The following UBE2F variants were observed in gnomAD, a reference collection of about 807,000 sequenced individuals.
The protein encoded by UBE2F is NEDD8-conjugating enzyme UBE2F.
Under a neutral mutation model 29.6 loss-of-function variants are expected in UBE2F, and 5 were observed. The observed-to-expected ratio is 0.17, with a 90% CI of 0.09 to 0.36. The LOEUF (loss-of-function observed/expected upper bound fraction) is 0.36. Among genes scored for constraint, UBE2F ranks in the 10% least tolerant of loss-of-function variants. UBE2F has a pLI of 1.00. For missense variants in UBE2F, 141 were observed against 228.5 expected, an observed-to-expected ratio of 0.62 and a Z score of 2.47; for synonymous variants, 66 against 81.8, an observed-to-expected ratio of 0.81 and a Z score of 1.04.
At chr2:238,038,338 C>T (rs1197965111) in intron 9 of UBE2F, among the ~76,000 whole-genome samples, 6 of 152,200 alleles carry the variant, frequency 3.9e-5, no homozygotes, top group African/African-American at 1.4e-4. Flanking sequence ...CTCACAGCTC[C>T]CCATGGGGGC....
chr2:238,025,162 C>T, intron 5 of UBE2F, 180 bp from the exon 6 acceptor site: 1 of 612,866 alleles, frequency 1.6e-6, no homozygotes. Flanking sequence ...CGCATCAACA[C>T]ATGCCTCATG....
intron 5 of UBE2F, among the ~76,000 whole-genome samples, chr2:238,017,356 T>G (rs1303703674): frequency 6.6e-6 from 1 of 152,122 alleles, no homozygotes; most frequent in Non-Finnish European, 1.5e-5. Flanking sequence ...GGGAGGGTAT[T>G]CTAGGTGACA....
intron 2 of UBE2F, among the ~76,000 whole-genome samples, chr2:237,975,761 C>T (rs796438474): frequency 6.6e-6 from 1 of 152,132 alleles, no homozygotes; most frequent in South Asian, 2.1e-4. Flanking sequence ...GCCTCAGTCT[C>T]CTGAGTAGCT....
chr2:238,039,396 G>A (rs1413050506), intron 9 of UBE2F, among the ~76,000 whole-genome samples: 1 of 152,236 alleles, frequency 6.6e-6, no homozygotes, highest in Non-Finnish European at 1.5e-5. Context: ...ATGTGCTGTG[G>A]AGCTCAGGGC....
chr2:238,012,425 G>C (rs77014563), intron 4 of UBE2F, among the ~76,000 whole-genome samples: 318 of 152,304 alleles, frequency 2.1e-3, no homozygotes, highest in African/African-American at 6.4e-3. Context: ...CCTCACTTCA[G>C]AGCAGCTTTG....
intron 5 of UBE2F, among the ~76,000 whole-genome samples, chr2:238,020,514 T>C (rs2064267314): frequency 6.6e-6 from 1 of 152,176 alleles, no homozygotes; most frequent in African/African-American, 2.4e-5. Context: ...TTTCTGTACT[T>C]CATAAGGACT....
intron 8 of UBE2F, chr2:238,035,547 A>G (rs1299855797): frequency 5.0e-6 from 1 of 201,422 alleles, no homozygotes; most frequent in African/African-American, 2.3e-5. Flanking sequence ...GGAAATGCTT[A>G]ATAATAGTGG....
chr2:238,038,550 A>G (rs1162115061), intron 9 of UBE2F, among the ~76,000 whole-genome samples: 17 of 152,262 alleles, frequency 1.1e-4, no homozygotes, highest in Non-Finnish European at 1.5e-5. Flanking sequence ...TCAGATAGAA[A>G]GTGATGGCAA....
chr2:238,024,078 C>G (rs903868792), intron 5 of UBE2F, among the ~76,000 whole-genome samples: 12 of 152,130 alleles, frequency 7.9e-5, no homozygotes, highest in African/African-American at 2.9e-4. Context: ...ACATATGTAG[C>G]ACAGCTTTCT....
intron 5 of UBE2F, among the ~76,000 whole-genome samples, chr2:238,021,201 T>C (rs1332735531): frequency 5.3e-5 from 8 of 152,150 alleles, no homozygotes; most frequent in African/African-American, 1.9e-4. Context: ...CCAAATCAGA[T>C]AACATGACCA....
At chr2:238,023,941 G>T (rs530782167) in intron 5 of UBE2F, among the ~76,000 whole-genome samples, 3 of 152,284 alleles carry the variant, frequency 2.0e-5, no homozygotes, top group African/African-American at 7.2e-5. Flanking sequence ...ACCCTGCATT[G>T]ATAGAGCAGG....
intron 2 of UBE2F, among the ~76,000 whole-genome samples, chr2:237,987,536 G>T (rs2063503789): frequency 6.6e-6 from 1 of 152,124 alleles, no homozygotes; most frequent in Non-Finnish European, 1.5e-5. Flanking sequence ...CTGAGGCAGA[G>T]GACTGGGGCC....
intron 4 of UBE2F, among the ~76,000 whole-genome samples, chr2:238,012,260 A>G: frequency 6.6e-6 from 1 of 152,114 alleles, no homozygotes; most frequent in Non-Finnish European, 1.5e-5. Context: ...AAAGTAGAGA[A>G]TTGGAAGCCA....
chr2:238,027,560 T>C (rs1449597661), intron 6 of UBE2F, among the ~76,000 whole-genome samples: 1 of 152,146 alleles, frequency 6.6e-6, no homozygotes, highest in African/African-American at 2.4e-5. Flanking sequence ...TTGCACACCT[T>C]TCATTGGTCC....
At chr2:238,007,541 G>T (rs2063934099) in intron 4 of UBE2F, among the ~76,000 whole-genome samples, 1 of 151,608 alleles carries the variant, frequency 6.6e-6, no homozygotes, top group South Asian at 2.1e-4. Flanking sequence ...ATCATGAATG[G>T]ATGCTTTTTT....
intron 2 of UBE2F, among the ~76,000 whole-genome samples, chr2:237,981,997 T>G (rs189909718): frequency 6.6e-6 from 1 of 152,260 alleles, no homozygotes; most frequent in East Asian, 1.9e-4. Context: ...GCTGGGGCAT[T>G]AGGAGTTTTA....
chr2:238,000,875 T>C (rs1003520449), intron 4 of UBE2F, among the ~76,000 whole-genome samples: 4 of 152,220 alleles, frequency 2.6e-5, no homozygotes, highest in African/African-American at 9.7e-5. Flanking sequence ...ATTATAACTT[T>C]AACTTGCATT....
At chr2:238,020,705 T>C (rs2064271205) in intron 5 of UBE2F, among the ~76,000 whole-genome samples, 1 of 152,244 alleles carries the variant, frequency 6.6e-6, no homozygotes, top group African/African-American at 2.4e-5. Flanking sequence ...TTTGTGTTTT[T>C]GTTCCTTTGC....
chr2:238,007,256 G>T (rs2063927693), intron 4 of UBE2F, among the ~76,000 whole-genome samples: 1 of 151,824 alleles, frequency 6.6e-6, no homozygotes, highest in South Asian at 2.1e-4. Flanking sequence ...TAATTAGCTG[G>T]GACTACAGGT....
Sources: allele counts gnomAD v4.1 joint callset (sites outside exome capture counted in the v4.1 genomes callset), GRCh38; gene constraint gnomAD v4.1.1; transcripts MANE v1.5; gene names NCBI Gene and HGNC (gene_info 2026-07-23, HGNC 2026-07-21).